Variants in PDZD8 observed in about 807,000 individuals in gnomAD.
The protein encoded by PDZD8 is PDZ domain containing 8, also known as PDZ domain-containing protein 8.
In PDZD8, 14 loss-of-function variants were observed where a neutral mutation model predicts 85.8. The ratio of observed to expected loss-of-function variants is 0.16; its 90% CI spans 0.11 to 0.26. The LOEUF (loss-of-function observed/expected upper bound fraction) is 0.26, where lower values mean the gene tolerates loss of function less well. Ranked by LOEUF, PDZD8 falls within the 10% of genes least tolerant of loss-of-function variation. The pLI, the probability that PDZD8 is intolerant of heterozygous loss-of-function variation, is 1.00. For synonymous variants in PDZD8, 592 were observed against 568.6 expected, an observed-to-expected ratio of 1.04 and a Z score of -0.59; for missense variants, 1,197 against 1,424.3, an observed-to-expected ratio of 0.84 and a Z score of 2.57.
At chr10:117,311,668 G>A (rs1844038853) in intron 3 of PDZD8, among the ~76,000 whole-genome samples, 1 of 152,006 alleles carries the variant, frequency 6.6e-6, no homozygotes, top group Non-Finnish European at 1.5e-5. Flanking sequence ...TTATTAATAG[G>A]CTCTAAGAAA....
At chr10:117,359,229 A>G (rs565986791) in intron 1 of PDZD8, among the ~76,000 whole-genome samples, 37 of 151,920 alleles carry the variant, frequency 2.4e-4, no homozygotes, top group African/African-American at 8.7e-4. Flanking sequence ...AGCCTGGGCA[A>G]CATGGCAAAA....
At chr10:117,344,789 T>C (rs1440115419) in intron 1 of PDZD8, among the ~76,000 whole-genome samples, 1 of 152,198 alleles carries the variant, frequency 6.6e-6, no homozygotes, top group African/African-American at 2.4e-5. Flanking sequence ...GGAACATTTC[T>C]CATCTAGCCT....
chr10:117,320,074 CA>C (rs1844203139), intron 2 of PDZD8, among the ~76,000 whole-genome samples: 1 of 151,980 alleles, frequency 6.6e-6, no homozygotes, highest in South Asian at 2.1e-4. Flanking sequence ...CCCAAACAAA[CA>C]AAAACAAACC....
At chr10:117,300,513 T>C (rs1843828352) in intron 3 of PDZD8, among the ~76,000 whole-genome samples, 1 of 152,194 alleles carries the variant, frequency 6.6e-6, no homozygotes, top group Non-Finnish European at 1.5e-5. Context: ...CTTAAGTTTA[T>C]AAAATTTAGT....
chr10:117,285,018 A>G lies in PDZD8; in HGVS notation c.1715T>C (p.Ile572Thr). 6.2e-7 allele frequency: 1 copy of G among 1,614,068 alleles called. No homozygotes were observed. Among genetic ancestry groups the G allele is most frequent in the South Asian group, 1.1e-5 (1 of 91,074 alleles). The change falls in exon 5 of 5, where the codon ATA (isoleucine) becomes ACA (threonine). Residue 572 changes from isoleucine (I) to threonine (T), a missense_variant. Transcript: ENST00000334464. ...NKPPPLKTSE[I>T]TDPAQVSKPT... is the part of the protein sequence containing the mutation. ...TTTTGACACTTGTGCTGGGTCTGTT[A>G]TCTCAGAAGTTTTTAGGGGTGGAGG...
chr10:117,357,632 G>T (rs952158252), intron 1 of PDZD8, among the ~76,000 whole-genome samples: 1 of 151,188 alleles, frequency 6.6e-6, no homozygotes, highest in African/African-American at 2.4e-5. Flanking sequence ...CGGGCATGGT[G>T]GCACATGCCT....
rs1438706248 is a variant in PDZD8, at chr10:117,374,990, G to A, written c.238C>T (p.Pro80Ser). The change falls in exon 1 of 5, where the codon CCC (proline) becomes TCC (serine). Residue 80 changes from proline to serine, a missense_variant. This residue lies in a region of PDZD8 where 172 missense variants were observed against 137.8 expected (regional missense o/e 1.25). Transcript: ENST00000334464. This position sits in a 1 kb window ranked among gnomAD's most constrained non-coding sequence, Gnocchi z 7.8. ...SGAAPEGGAT[P>S]TAAPETPAPP... ...GCGGGGGTCTCGGGGGCCGCGGTGG[G>A]GGTCGCGCCGCCCTCAGGGGCCGCT... The A allele has an allele frequency of 6.3e-7, 1 of 1,593,512 alleles. No homozygotes were observed. The highest frequency in any genetic ancestry group is 2.3e-5 in the East Asian group (1 of 43,888).
intron 2 of PDZD8, among the ~76,000 whole-genome samples, chr10:117,337,668 C>T (rs1161793883): frequency 6.6e-6 from 1 of 152,092 alleles, no homozygotes; most frequent in African/African-American, 2.4e-5. Flanking sequence ...ACAGATACTG[C>T]AACGATTATC....
intron 1 of PDZD8, among the ~76,000 whole-genome samples, chr10:117,357,829 A>G (rs1408750370): frequency 7.1e-6 from 1 of 139,888 alleles, no homozygotes; most frequent in Non-Finnish European, 1.5e-5. Flanking sequence ...AAAGGCCTAC[A>G]CGATCAGGAA....
intron 2 of PDZD8, among the ~76,000 whole-genome samples, chr10:117,321,134 C>T (rs1224404221): frequency 6.6e-6 from 1 of 152,108 alleles, no homozygotes; most frequent in African/African-American, 2.4e-5. Context: ...TCAGTAATTT[C>T]ACTCCTAGGT....
At chr10:117,369,267 T>C (rs2133892469) in intron 1 of PDZD8, among the ~76,000 whole-genome samples, 1 of 152,222 alleles carries the variant, frequency 6.6e-6, no homozygotes, top group Admixed American at 6.5e-5. Context: ...CAAGCGATTC[T>C]CCTGCCTCAG....
chr10:117,334,848 T>G (rs904537316), intron 2 of PDZD8, among the ~76,000 whole-genome samples: 1 of 151,446 alleles, frequency 6.6e-6, no homozygotes, highest in East Asian at 1.9e-4. Flanking sequence ...GAAAAAGAAT[T>G]TAAAGAAACA....
intron 3 of PDZD8, among the ~76,000 whole-genome samples, chr10:117,305,302 C>CT (rs2133787435): frequency 6.6e-6 from 1 of 152,100 alleles, no homozygotes; most frequent in Non-Finnish European, 1.5e-5. Context: ...ATCCCACCTA[C>CT]TTGGGAGGCT....
At chr10:117,344,341 C>T (rs1844666872) in intron 1 of PDZD8, among the ~76,000 whole-genome samples, 1 of 152,304 alleles carries the variant, frequency 6.6e-6, no homozygotes, top group Admixed American at 6.5e-5. Context: ...AACCCTGTTT[C>T]CCCAACAAGC....
chr10:117,350,289 C>T (rs545311854), intron 1 of PDZD8, among the ~76,000 whole-genome samples: 64 of 135,444 alleles, frequency 4.7e-4, no homozygotes, highest in Admixed American at 7.9e-4. Flanking sequence ...TTTTTTGAGA[C>T]GGAGTCTTGC....
rs749447377 is a variant in PDZD8 at position 117,284,053 on chromosome 10, T to C, written c.2680A>G (p.Thr894Ala). ...AGTGTCCTGTCTATTCGCCTATCAG[T>C]TGCTCCACAAACAGAAGTCTCAGCT... ...CLAETSVCGA[T>A]DRRIDRTLKN... The change falls in exon 5 of 5, where the codon ACT becomes GCT. Residue 894 changes from threonine (T) to alanine (A), a missense_variant. Around this residue, in one of 4 missense-constraint regions of PDZD8, gnomAD observed 418 missense variants for 571.1 expected, o/e 0.73. Coordinates refer to ENST00000334464, the MANE Select transcript of PDZD8 (RefSeq NM_173791.5). 1.2e-6 allele frequency: 2 copies of C among 1,614,212 alleles called. No individual in the cohort carries two copies. Among genetic ancestry groups the C allele is most frequent in the South Asian group, 1.1e-5 (1 of 91,084 alleles).
At chr10:117,359,039 T>C (rs1844948132) in intron 1 of PDZD8, among the ~76,000 whole-genome samples, 1 of 150,864 alleles carries the variant, frequency 6.6e-6, no homozygotes, top group African/African-American at 2.5e-5. Flanking sequence ...CATGTGGTGA[T>C]GATTTCAGTC....
At chr10:117,303,843 C>T (rs1468757729) in intron 3 of PDZD8, among the ~76,000 whole-genome samples, 1 of 152,202 alleles carries the variant, frequency 6.6e-6, no homozygotes, top group South Asian at 2.1e-4. Context: ...GGTTTGGGAA[C>T]CTCTGCCTAG....
chr10:117,303,393 C>T (rs1843880376), intron 3 of PDZD8, among the ~76,000 whole-genome samples: 1 of 152,144 alleles, frequency 6.6e-6, no homozygotes, highest in South Asian at 2.1e-4. Context: ...AAGCATTCAA[C>T]AGGTGACTTG....
Sources: allele counts gnomAD v4.1 joint callset (sites outside exome capture counted in the v4.1 genomes callset), GRCh38; gene constraint gnomAD v4.1.1; regional missense constraint gnomAD v4.1.1; non-coding constraint Gnocchi (gnomAD v3.1); transcripts MANE v1.5; gene names NCBI Gene and HGNC (gene_info 2026-07-23, HGNC 2026-07-21).